Variants in PCBP3 observed in about 807,000 individuals in gnomAD.
The protein encoded by PCBP3 is poly(rC)-binding protein 3.
A neutral mutation model predicts 52.7 loss-of-function variants in PCBP3; 25 were observed. The ratio of observed to expected loss-of-function variants is 0.47; its 90% CI spans 0.35 to 0.66. The LOEUF (loss-of-function observed/expected upper bound fraction) is 0.66, where lower values mean the gene tolerates loss of function less well. Among genes scored for constraint, PCBP3 ranks in the 30% least tolerant of loss-of-function variants. PCBP3 has a pLI of 0.01. For synonymous variants in PCBP3, 162 were observed against 183.0 expected, an observed-to-expected ratio of 0.89 and a Z score of 0.93; for missense variants, 391 against 490.3, an observed-to-expected ratio of 0.80 and a Z score of 1.91.
chr21:45,690,061 G>A (rs1827000566), intron 2 of PCBP3, among the ~76,000 whole-genome samples: 1 of 152,104 alleles, frequency 6.6e-6, no homozygotes, highest in Non-Finnish European at 1.5e-5. Context: ...CAACTATTTG[G>A]AAAAGAACAA....
At chr21:45,881,369 A>G (rs1411675355) in intron 5 of PCBP3, among the ~76,000 whole-genome samples, 3 of 152,208 alleles carry the variant, frequency 2.0e-5, no homozygotes, top group East Asian at 1.9e-4. Flanking sequence ...ATCACCTCAC[A>G]TACCTTTGTT....
At chr21:45,793,480 G>C (rs2091741713) in intron 4 of PCBP3, among the ~76,000 whole-genome samples, 1 of 152,110 alleles carries the variant, frequency 6.6e-6, no homozygotes, top group South Asian at 2.1e-4. Context: ...CTGTTTAACA[G>C]GAGTCTGAGG....
chr21:45,773,865 G>C (rs564194404), intron 4 of PCBP3, among the ~76,000 whole-genome samples: 12 of 152,118 alleles, frequency 7.9e-5, no homozygotes, highest in Non-Finnish European at 1.8e-4. Flanking sequence ...TCGTATCCAC[G>C]AACATGGGAT....
At chr21:45,843,955 A>G (rs1474740121) in intron 4 of PCBP3, among the ~76,000 whole-genome samples, 2 of 152,086 alleles carry the variant, frequency 1.3e-5, no homozygotes. Context: ...TGTGAACTGT[A>G]AAGGAGAGAG....
chr21:45,767,161 A>G (rs945703039), intron 4 of PCBP3, among the ~76,000 whole-genome samples: 16 of 152,226 alleles, frequency 1.1e-4, no homozygotes, highest in African/African-American at 3.9e-4. Flanking sequence ...CTACTTCCAG[A>G]ACATTCTCAC....
At chr21:45,664,212 GAAT>G (rs1247745256) in intron 1 of PCBP3, among the ~76,000 whole-genome samples, 1 of 79,356 alleles carries the variant, frequency 1.3e-5, no homozygotes, top group Non-Finnish European at 2.6e-5. Flanking sequence ...CATATATACA[GAAT>G]AATAATAATA....
intron 4 of PCBP3, among the ~76,000 whole-genome samples, chr21:45,822,159 T>A (rs893777709): frequency 7.9e-5 from 12 of 152,176 alleles, no homozygotes; most frequent in Admixed American, 5.2e-4. Flanking sequence ...CATTTGCTCG[T>A]TTGACCCTTT....
rs533054905 is a variant in PCBP3, at chr21:45,889,701, T to C, written c.11-6507T>C. ...TCCTGAGTCTCCCTGCCATGGCTCT[T>C]GTGGCAGTACATTGCGGTGGCTACA... is the stretch of plus-strand genomic sequence containing the variant. On this transcript the variant is annotated intron_variant, in intron 5 of 17. Transcript: ENST00000681687. 3.3e-5 allele frequency among the ~76,000 whole-genome samples: 5 copies of C among 152,332 alleles called. No homozygotes were observed. The South Asian group carries it at 1.0e-3, about 32-fold the overall frequency.
intron 2 of PCBP3, among the ~76,000 whole-genome samples, chr21:45,713,032 G>T (rs1274779038): frequency 6.6e-6 from 1 of 152,170 alleles, no homozygotes; most frequent in Admixed American, 6.5e-5. Flanking sequence ...GCCGAGGGTT[G>T]CTCTTTCCAT....
At chr21:45,887,180 C>G (rs930121262) in intron 5 of PCBP3, among the ~76,000 whole-genome samples, 2 of 152,252 alleles carry the variant, frequency 1.3e-5, no homozygotes, top group Non-Finnish European at 2.9e-5. Flanking sequence ...CCTGTGTGCC[C>G]TGGTCCCTGG....
At chr21:45,748,384 C>G (rs552650125) in intron 3 of PCBP3, among the ~76,000 whole-genome samples, 27 of 152,294 alleles carry the variant, frequency 1.8e-4, no homozygotes, top group Admixed American at 9.8e-4. Flanking sequence ...ACAGAGGCCA[C>G]CCTGTCTTTG....
chr21:45,921,840 A>G (rs933808245), intron 13 of PCBP3, among the ~76,000 whole-genome samples: 2 of 151,898 alleles, frequency 1.3e-5, no homozygotes, highest in Non-Finnish European at 2.9e-5. Flanking sequence ...AGTCATCGGC[A>G]CTGATCTGCC....
chr21:45,864,034 A>G (rs1335267781), intron 5 of PCBP3, among the ~76,000 whole-genome samples: 1 of 152,168 alleles, frequency 6.6e-6, no homozygotes, highest in Non-Finnish European at 1.5e-5. Flanking sequence ...AGTGTCAATA[A>G]TCTTCTTTAC....
chr21:45,752,119 T>C (rs939273032), intron 3 of PCBP3, among the ~76,000 whole-genome samples: 1 of 152,170 alleles, frequency 6.6e-6, no homozygotes, highest in Admixed American at 6.5e-5. Flanking sequence ...CCAAAGATTT[T>C]TTATTTTTAT....
intron 1 of PCBP3, among the ~76,000 whole-genome samples, chr21:45,658,139 C>T (rs1185098064): frequency 1.3e-5 from 2 of 152,154 alleles, no homozygotes; most frequent in African/African-American, 4.8e-5. Flanking sequence ...TTGTCAGATG[C>T]TTTTCCTGCA....
chr21:45,870,866 C>T (rs2094974347), intron 5 of PCBP3: 1 of 153,056 alleles, frequency 6.5e-6, no homozygotes, highest in Non-Finnish European at 1.5e-5. Context: ...GGTGAGTCTT[C>T]TTAGGACAGG....
At chr21:45,733,590 C>CTATT (rs914309788) in intron 2 of PCBP3, among the ~76,000 whole-genome samples, 2 of 151,274 alleles carry the variant, frequency 1.3e-5, no homozygotes, top group Non-Finnish European at 1.5e-5. Flanking sequence ...CGTGCCTGGC[C>CTATT]TATTTATTTA....
At chr21:45,799,044 T>C (rs1193195288) in intron 4 of PCBP3, among the ~76,000 whole-genome samples, 2 of 151,660 alleles carry the variant, frequency 1.3e-5, no homozygotes, top group Non-Finnish European at 2.9e-5. Context: ...AATGCATGGA[T>C]CTGTAGAGAG....
rs534943139 is a variant in PCBP3 at position 45,791,427 on chromosome 21, C to T, written c.-126+35975C>T. ...TGTGTGCAGCTCCAGAGTCTAGGCA[C>T]GGAATTGACAGAGAGTGAGACTTTA... is the stretch of plus-strand genomic sequence containing the variant. On this transcript the variant is annotated intron_variant, in intron 4 of 17. Transcript: ENST00000681687. This position sits in a 1 kb window ranked among gnomAD's most constrained non-coding sequence, Gnocchi z 4.2. 5.9e-5 allele frequency among the ~76,000 whole-genome samples: 9 copies of T among 151,878 alleles called. No homozygotes were observed. Among genetic ancestry groups the T allele is most frequent in the East Asian group, 5.8e-4 (3 of 5,170 alleles).
Sources: allele counts gnomAD v4.1 joint callset (sites outside exome capture counted in the v4.1 genomes callset), GRCh38; gene constraint gnomAD v4.1.1; non-coding constraint Gnocchi (gnomAD v3.1); transcripts MANE v1.5; gene names NCBI Gene and HGNC (gene_info 2026-07-23, HGNC 2026-07-21).